Variants in PRKCE observed in about 807,000 individuals in gnomAD.
PRKCE encodes protein kinase C epsilon type.
Under a neutral mutation model 85.4 loss-of-function variants are expected in PRKCE, and 16 were observed. The observed-to-expected ratio is 0.19, with a 90% CI of 0.13 to 0.28. The LOEUF is 0.28. Ranked by LOEUF, PRKCE falls within the 10% of genes least tolerant of loss-of-function variation. The pLI is 1.00. For missense variants in PRKCE, 573 were observed against 975.2 expected, an observed-to-expected ratio of 0.59 and a Z score of 5.49; for synonymous variants, 388 against 371.5, an observed-to-expected ratio of 1.04 and a Z score of -0.51.
intron 2 of PRKCE, among the ~76,000 whole-genome samples, chr2:45,912,112 G>A (rs1697423863): frequency 6.6e-6 from 1 of 152,020 alleles, no homozygotes; most frequent in Admixed American, 6.6e-5. Context: ...TCATAGCTAC[G>A]CCCCTCTCAT....
At chr2:45,793,625 G>T (rs1687196993) in intron 1 of PRKCE, among the ~76,000 whole-genome samples, 1 of 152,206 alleles carries the variant, frequency 6.6e-6, no homozygotes, top group African/African-American at 2.4e-5. Flanking sequence ...AGTTCTGTGT[G>T]AGCATATGTT....
At chr2:46,116,325 G>C (rs1398057894) in intron 11 of PRKCE, among the ~76,000 whole-genome samples, 1 of 152,190 alleles carries the variant, frequency 6.6e-6, no homozygotes, top group African/African-American at 2.4e-5. Flanking sequence ...GTGCACAGAT[G>C]GGCATGAGCT....
At chr2:45,834,822 T>C (rs1263396890) in intron 1 of PRKCE, among the ~76,000 whole-genome samples, 1 of 152,252 alleles carries the variant, frequency 6.6e-6, no homozygotes, top group Non-Finnish European at 1.5e-5. Flanking sequence ...CTCCTATTCA[T>C]GGACATTTAG....
At chr2:45,689,403 A>G (rs1385305912) in intron 1 of PRKCE, among the ~76,000 whole-genome samples, 2 of 152,158 alleles carry the variant, frequency 1.3e-5, no homozygotes, top group South Asian at 2.1e-4. Context: ...ACGACCCCCA[A>G]TCCCATTCTC....
chr2:45,883,130 C>T (rs1031933207), intron 2 of PRKCE, among the ~76,000 whole-genome samples: 8 of 152,236 alleles, frequency 5.3e-5, no homozygotes, highest in Admixed American at 2.0e-4. Context: ...ACTCTCATTC[C>T]TGCAGCCAGC....
intron 2 of PRKCE, among the ~76,000 whole-genome samples, chr2:45,911,760 A>C (rs946757828): frequency 6.6e-6 from 1 of 152,132 alleles, no homozygotes; most frequent in East Asian, 1.9e-4. Context: ...ATTTAGTTCT[A>C]TACTGCCACT....
At chr2:45,937,750 A>G (rs982724108) in intron 2 of PRKCE, among the ~76,000 whole-genome samples, 2 of 152,252 alleles carry the variant, frequency 1.3e-5, no homozygotes, top group Middle Eastern at 6.8e-3. Context: ...TTGTAGGTAT[A>G]TATCATCGTT....
chr2:45,777,973 C>T lies in PRKCE; in HGVS notation c.349-65027C>T, dbSNP rs905887811. ...CATTTTTCAGCATGGGAAGACTTGG[C>T]ACCGAGTCTGTATCACAGGATGAGC... is the stretch of plus-strand genomic sequence containing the variant. On this transcript the variant is annotated intron_variant, in intron 1 of 14. Transcript: ENST00000306156. Among the ~76,000 whole-genome samples the T allele has an allele frequency of 2.6e-5, 4 of 152,270 alleles. No homozygotes were observed. The South Asian group carries it at 8.3e-4, about 32-fold the overall frequency.
intron 14 of PRKCE, among the ~76,000 whole-genome samples, chr2:46,181,878 C>T (rs1306816851): frequency 6.6e-6 from 1 of 152,110 alleles, no homozygotes; most frequent in East Asian, 1.9e-4. Flanking sequence ...AGGGAGCCTC[C>T]TCAGTGTGGT....
chr2:46,039,275 C>A (rs1485106041), intron 10 of PRKCE, among the ~76,000 whole-genome samples: 1 of 152,192 alleles, frequency 6.6e-6, no homozygotes, highest in African/African-American at 2.4e-5. Context: ...TCTTGCTCAC[C>A]TGCTTCCCAC....
chr2:45,906,635 T>C (rs1228371635), intron 2 of PRKCE, among the ~76,000 whole-genome samples: 1 of 152,132 alleles, frequency 6.6e-6, no homozygotes, highest in African/African-American at 2.4e-5. Flanking sequence ...CTGGGTTAGG[T>C]TGGGGGAAGC....
chr2:46,157,656 G>C (rs1677347492), intron 13 of PRKCE, among the ~76,000 whole-genome samples: 1 of 152,220 alleles, frequency 6.6e-6, no homozygotes. Context: ...CATGAGAAGA[G>C]CATCTTCCAA....
At chr2:45,790,175 A>G (rs1442532596) in intron 1 of PRKCE, among the ~76,000 whole-genome samples, 1 of 152,232 alleles carries the variant, frequency 6.6e-6, no homozygotes, top group African/African-American at 2.4e-5. Context: ...AAAAATGCAC[A>G]TATGCATAAA....
chr2:45,736,964 G>A (rs1682118656), intron 1 of PRKCE, among the ~76,000 whole-genome samples: 1 of 152,306 alleles, frequency 6.6e-6, no homozygotes, highest in Non-Finnish European at 1.5e-5. Context: ...CTGGGGGAAT[G>A]AGCAGATGGA....
intron 1 of PRKCE, among the ~76,000 whole-genome samples, chr2:45,705,038 G>C (rs772241674): frequency 2.2e-4 from 34 of 152,192 alleles, no homozygotes; most frequent in Non-Finnish European, 4.4e-4. Context: ...ATGAGATAAA[G>C]CAGGTGGAGT....
At chr2:45,658,048 A>T (rs901587437) in intron 1 of PRKCE, among the ~76,000 whole-genome samples, 7 of 152,236 alleles carry the variant, frequency 4.6e-5, no homozygotes, top group Non-Finnish European at 1.0e-4. Flanking sequence ...AAAATTTTTT[A>T]AAAGGATTTC....
chr2:45,904,200 T>C (rs1696799487), intron 2 of PRKCE, among the ~76,000 whole-genome samples: 1 of 152,098 alleles, frequency 6.6e-6, no homozygotes, highest in Admixed American at 6.5e-5. Context: ...AGATCCAAAA[T>C]GTTACTAAAA....
At chr2:45,913,026 C>T (rs1397943213) in intron 2 of PRKCE, among the ~76,000 whole-genome samples, 2 of 152,180 alleles carry the variant, frequency 1.3e-5, no homozygotes, top group Non-Finnish European at 1.5e-5. Flanking sequence ...AAACAAGTAC[C>T]ACCATCAAGT....
chr2:45,751,152 A>G (rs1683526422), intron 1 of PRKCE, among the ~76,000 whole-genome samples: 1 of 151,790 alleles, frequency 6.6e-6, no homozygotes, highest in South Asian at 2.1e-4. Flanking sequence ...ATGACCTTCT[A>G]CTCACCATCA....
Sources: gnomAD v4.1 joint callset for allele counts (sites outside exome capture counted in the v4.1 genomes callset) on GRCh38, gnomAD v4.1.1 for gene constraint, MANE v1.5 for transcripts, NCBI Gene and HGNC (gene_info 2026-07-23, HGNC 2026-07-21) for gene names.